The following PCDH15 variants were observed in gnomAD, a reference collection of about 807,000 sequenced individuals.
PCDH15 encodes protocadherin related 15, also known as protocadherin-15.
A neutral mutation model predicts 178.5 loss-of-function variants in PCDH15; 129 were observed. The ratio of observed to expected loss-of-function variants is 0.72; its 90% confidence interval spans 0.63 to 0.84. The LOEUF is 0.84. Ranked by LOEUF, PCDH15 falls within the 40% of genes least tolerant of loss-of-function variation. The probability of loss-of-function intolerance (pLI) is 0.00; values close to 1 mark genes in which losing one functional copy is unlikely to be tolerated. For missense variants in PCDH15, 2,230 were observed against 2,099.9 expected (o/e 1.06, Z -1.21); for synonymous variants, 800 against 732.0 (o/e 1.09, Z -1.50).
intron 2 of PCDH15, among the ~76,000 whole-genome samples, chr10:55,622,118 TAAA>T (rs1837412220): frequency 1.6e-5 from 1 of 64,322 alleles, no homozygotes; most frequent in African/African-American, 5.9e-5. Flanking sequence ...TATATATCTA[TAAA>T]TATATATATT....
chr10:54,403,797 A>T (rs1386901980), intron 3 of PCDH15, among the ~76,000 whole-genome samples: 3 of 151,852 alleles, frequency 2.0e-5, no homozygotes. Flanking sequence ...GACACCAATA[A>T]CATTCAAGGA....
intron 10 of PCDH15, among the ~76,000 whole-genome samples, chr10:54,211,328 C>G (rs1354944299): frequency 1.3e-5 from 2 of 152,120 alleles, no homozygotes; most frequent in Non-Finnish European, 2.9e-5. Flanking sequence ...ATCTATGATT[C>G]TTGTTCACAG....
At chr10:54,006,874 G>C (rs2092403377) in intron 20 of PCDH15, among the ~76,000 whole-genome samples, 1 of 151,870 alleles carries the variant, frequency 6.6e-6, no homozygotes, top group Non-Finnish European at 1.5e-5. Flanking sequence ...ACCCCTCCCT[G>C]CCTACTCCCA....
chr10:54,378,010 C>G (rs182308072), intron 4 of PCDH15, among the ~76,000 whole-genome samples: 2 of 152,054 alleles, frequency 1.3e-5, no homozygotes, highest in African/African-American at 4.8e-5. Flanking sequence ...CCTCCACTCC[C>G]CAACCCCAAG....
At chr10:54,539,041 T>C (rs2084898731) in intron 2 of PCDH15, among the ~76,000 whole-genome samples, 1 of 152,230 alleles carries the variant, frequency 6.6e-6, no homozygotes, top group Admixed American at 6.5e-5. Flanking sequence ...ATATTGATTC[T>C]TCCAGTCAAT....
At chr10:54,908,386 T>C (rs370552643) in intron 2 of PCDH15, among the ~76,000 whole-genome samples, 9 of 152,074 alleles carry the variant, frequency 5.9e-5, no homozygotes, top group African/African-American at 1.9e-4. Flanking sequence ...GGGTTTGCAG[T>C]GTGGTGCCAG....
chr10:54,055,169 A>C (rs746094421), intron 18 of PCDH15, among the ~76,000 whole-genome samples: 5 of 152,196 alleles, frequency 3.3e-5, no homozygotes, highest in Admixed American at 6.5e-5. Flanking sequence ...ATGATTTTAA[A>C]ACTTCTTTAA....
At chr10:54,638,395 A>G (rs2093911689) in intron 2 of PCDH15, among the ~76,000 whole-genome samples, 1 of 152,104 alleles carries the variant, frequency 6.6e-6, no homozygotes, top group African/African-American at 2.4e-5. Context: ...CAAGTTTTGA[A>G]TTTGAGGTAA....
chr10:55,115,058 GA>G, intron 2 of PCDH15, among the ~76,000 whole-genome samples: 1 of 152,238 alleles, frequency 6.6e-6, no homozygotes, highest in South Asian at 2.1e-4. Context: ...GAAGAGCTTT[GA>G]AAAATAAATT....
chr10:53,925,345 A>C (rs1413860624), intron 25 of PCDH15, among the ~76,000 whole-genome samples: 1 of 152,178 alleles, frequency 6.6e-6, no homozygotes, highest in East Asian at 1.9e-4. Context: ...GCTTACCGCG[A>C]AGGTCTGCAG....
At chr10:54,128,498 T>G (rs2132992480) in intron 15 of PCDH15, among the ~76,000 whole-genome samples, 1 of 152,288 alleles carries the variant, frequency 6.6e-6, no homozygotes, top group Middle Eastern at 3.4e-3. Context: ...AGCTATTTGA[T>G]TAGAGTATTG....
intron 2 of PCDH15, among the ~76,000 whole-genome samples, chr10:55,416,207 C>T (rs541677865): frequency 2.2e-4 from 33 of 151,678 alleles, no homozygotes; most frequent in Non-Finnish European, 4.1e-4. Context: ...TATTTTCTAT[C>T]CTTGTTCTTT....
rs1296298210 is a variant in PCDH15 at position 55,366,792 on chromosome 10, A to T, written c.-155-200141T>A. On this transcript the variant is annotated intron_variant, in intron 2 of 5. Transcript: ENST00000613346. ...GCTGACATCTACTCAATTAGTTTCG[A>T]TTTTACCTGGCAGAAGCCTAAATGC... Among the ~76,000 whole-genome samples, 6 of 152,260 alleles carry T rather than the reference A, an allele frequency of 3.9e-5. No homozygotes were observed. The East Asian group carries it at 1.2e-3, about 29-fold the overall frequency.
intron 3 of PCDH15, among the ~76,000 whole-genome samples, chr10:54,442,074 T>TAAAGA: frequency 6.6e-6 from 1 of 151,560 alleles, no homozygotes; most frequent in Admixed American, 6.6e-5. Flanking sequence ...TTAAAACAAG[T>TAAAGA]AAAGTTGCCA....
chr10:54,628,286 T>G (rs1026562094), intron 2 of PCDH15, among the ~76,000 whole-genome samples: 1 of 152,194 alleles, frequency 6.6e-6, no homozygotes, highest in Non-Finnish European at 1.5e-5. Context: ...TGGCCTTATA[T>G]TCTTCCCACA....
chr10:54,278,073 C>T (rs2058450806), intron 8 of PCDH15, among the ~76,000 whole-genome samples: 1 of 151,452 alleles, frequency 6.6e-6, no homozygotes, highest in African/African-American at 2.4e-5. Context: ...ATATAGATGA[C>T]AGTATACTAA....
At chr10:54,689,717 C>T (rs1203755544) in intron 1 of PCDH15, among the ~76,000 whole-genome samples, 5 of 152,152 alleles carry the variant, frequency 3.3e-5, no homozygotes, top group African/African-American at 1.2e-4. Context: ...GAGCAGAAGG[C>T]AGTGAAGACA....
At chr10:54,840,857 T>C (rs1277328141) in intron 3 of PCDH15, among the ~76,000 whole-genome samples, 1 of 151,726 alleles carries the variant, frequency 6.6e-6, no homozygotes, top group Non-Finnish European at 1.5e-5. Flanking sequence ...ACAACAAAAG[T>C]ATTGATTCAT....
intron 2 of PCDH15, among the ~76,000 whole-genome samples, chr10:55,339,726 G>A (rs1415484192): frequency 6.6e-6 from 1 of 151,926 alleles, no homozygotes; most frequent in Non-Finnish European, 1.5e-5. Flanking sequence ...TAGCAAATCG[G>A]ATCTTACCAG....
Sources: gnomAD v4.1 joint callset for allele counts (sites outside exome capture counted in the v4.1 genomes callset) on GRCh38, gnomAD v4.1.1 for gene constraint, MANE v1.5 for transcripts, NCBI Gene and HGNC (gene_info 2026-07-23, HGNC 2026-07-21) for gene names.